ST6GALNAC3: variants seen among roughly 807,000 people sequenced by gnomAD.
ST6GALNAC3 encodes the protein ST6 N-acetylgalactosaminide alpha-2,6-sialyltransferase 3.
ST6GALNAC3 carries 25 observed loss-of-function variants against 32.7 expected under a neutral mutation model. The ratio of observed to expected loss-of-function variants is 0.76; its 90% CI spans 0.56 to 1.07. The LOEUF is 1.07. Ranked by LOEUF, ST6GALNAC3 falls within the 50% of genes least tolerant of loss-of-function variation. The pLI, the probability that ST6GALNAC3 is intolerant of heterozygous loss-of-function variation, is 0.00. For synonymous variants in ST6GALNAC3, 129 were observed against 133.1 expected (o/e 0.97, Z 0.21); for missense variants, 355 against 382.4 (o/e 0.93, Z 0.60).
chr1:76,530,448 C>T (rs534512596), intron 3 of ST6GALNAC3, among the ~76,000 whole-genome samples: 5 of 152,222 alleles, frequency 3.3e-5, no homozygotes, highest in African/African-American at 4.8e-5. Flanking sequence ...AAACTGACCA[C>T]GTTCATTGCC....
chr1:76,561,225 G>A (rs7547383), intron 3 of ST6GALNAC3, among the ~76,000 whole-genome samples: 25,998 of 151,988 alleles, frequency 0.17, 2,456 homozygotes, highest in African/African-American at 0.25. Flanking sequence ...GAGGGTTGTG[G>A]GGAAGTGGGG....
chr1:76,304,322 C>G (rs1166476538), intron 1 of ST6GALNAC3, among the ~76,000 whole-genome samples: 7 of 152,112 alleles, frequency 4.6e-5, no homozygotes, highest in Non-Finnish European at 2.9e-5. Context: ...TTCTCTCCTT[C>G]CCTCCCTTCC....
intron 1 of ST6GALNAC3, among the ~76,000 whole-genome samples, chr1:76,132,199 C>A (rs924484104): frequency 6.6e-6 from 1 of 152,158 alleles, no homozygotes; most frequent in Non-Finnish European, 1.5e-5. Flanking sequence ...TTGGCCCTAC[C>A]CCAATCATTC....
In ST6GALNAC3 at chr1:76,611,082, T is replaced by C. The variant is rs1028379572; in HGVS notation, c.624-16370T>C. On this transcript the variant is annotated intron_variant, in intron 3 of 4. Coordinates refer to ENST00000328299, the MANE Select transcript of ST6GALNAC3 (RefSeq NM_152996.4). ...TCCAGGTGAGGTATATATATATATA[T>C]ACACACACACATATATCCTTAGGCA... Among the ~76,000 whole-genome samples the C allele has an allele frequency of 9.9e-5, 15 of 151,770 alleles. No individual in the cohort carries two copies. The South Asian group carries it at 1.0e-3, about 11-fold the overall frequency.
At chr1:76,589,547 A>G (rs1023771313) in intron 3 of ST6GALNAC3, among the ~76,000 whole-genome samples, 4 of 152,082 alleles carry the variant, frequency 2.6e-5, no homozygotes, top group Non-Finnish European at 5.9e-5. Context: ...GAATTCAGAC[A>G]ATGAATGGCT....
In ST6GALNAC3 at chr1:76,630,087, G is replaced by A. The variant is rs1570492206; in HGVS notation, c.*1281G>A. 26 of 985,172 alleles carry A rather than the reference G, an allele frequency of 2.6e-5. No individual in the cohort carries two copies. The highest frequency in any genetic ancestry group is 3.1e-5 in the Non-Finnish European group (26 of 829,812). 61.0% of individuals were successfully genotyped at this position (985,172 alleles called of 1,614,324 possible). A position where few individuals can be genotyped will look rare whatever the true frequency, so the allele number is the denominator to read the frequency against. Reference sequence around the variant, plus strand: ...TGAACACCCCATTGGGCTATTGTCTGTGTATTCTGCTCTCTTTAGCAGATG... The same window carrying A: ...TGAACACCCCATTGGGCTATTGTCTATGTATTCTGCTCTCTTTAGCAGATG... On this transcript the variant is annotated 3_prime_UTR_variant, in exon 5 of 5. Coordinates refer to ENST00000328299, the MANE Select transcript of ST6GALNAC3 (RefSeq NM_152996.4).
At chr1:76,184,669 C>T (rs1241278685) in intron 1 of ST6GALNAC3, among the ~76,000 whole-genome samples, 1 of 151,976 alleles carries the variant, frequency 6.6e-6, no homozygotes, top group Non-Finnish European at 1.5e-5. Flanking sequence ...TGGGAGCAAA[C>T]CAACCAATGA....
intron 2 of ST6GALNAC3, among the ~76,000 whole-genome samples, chr1:76,317,050 C>T (rs965378075): frequency 6.6e-6 from 1 of 152,100 alleles, no homozygotes; most frequent in South Asian, 2.1e-4. Flanking sequence ...ATCATGAATG[C>T]AGGTGATAGA....
intron 1 of ST6GALNAC3, among the ~76,000 whole-genome samples, chr1:76,156,544 G>GT (rs1557660027): frequency 1.9e-4 from 22 of 115,552 alleles, no homozygotes; most frequent in African/African-American, 4.7e-4. Context: ...GATTTTGTTT[G>GT]GTTTTTTTTT....
chr1:76,153,594 T>C (rs1254695755), intron 1 of ST6GALNAC3, among the ~76,000 whole-genome samples: 1 of 152,222 alleles, frequency 6.6e-6, no homozygotes, highest in African/African-American at 2.4e-5. Flanking sequence ...TGGCATGAAT[T>C]CAGGCAAAGG....
chr1:76,104,636 G>A (rs1410154777), intron 1 of ST6GALNAC3, among the ~76,000 whole-genome samples: 1 of 149,200 alleles, frequency 6.7e-6, no homozygotes, highest in East Asian at 1.9e-4. Context: ...TAGATTTGAG[G>A]TGTTTTAAAG....
chr1:76,285,338 TCTTCTAAG>T (rs1468527103), intron 1 of ST6GALNAC3, among the ~76,000 whole-genome samples: 7 of 151,550 alleles, frequency 4.6e-5, no homozygotes, highest in Admixed American at 3.3e-4. Context: ...TTACCTATAG[TCTTCTAAG>T]CTGAGACAAC....
At chr1:76,480,245 T>C (rs1659635716) in intron 3 of ST6GALNAC3, among the ~76,000 whole-genome samples, 1 of 152,214 alleles carries the variant, frequency 6.6e-6, no homozygotes, top group Non-Finnish European at 1.5e-5. Flanking sequence ...TCAATAATCA[T>C]TTGAAATTCA....
intron 1 of ST6GALNAC3, among the ~76,000 whole-genome samples, chr1:76,296,473 C>T (rs1211490797): frequency 2.0e-5 from 3 of 152,070 alleles, no homozygotes; most frequent in Non-Finnish European, 2.9e-5. Context: ...TTTCTCCCAT[C>T]GACCCTTCTC....
intron 1 of ST6GALNAC3, among the ~76,000 whole-genome samples, chr1:76,305,692 C>G (rs1365785623): frequency 6.6e-6 from 1 of 152,050 alleles, no homozygotes; most frequent in Non-Finnish European, 1.5e-5. Context: ...GGCCTTTTTT[C>G]TCTTACTAGG....
At chr1:76,201,651 G>GT (rs61543089) in intron 1 of ST6GALNAC3, among the ~76,000 whole-genome samples, 12,757 of 151,972 alleles carry the variant, frequency 0.084, 586 homozygotes, top group African/African-American at 0.12. Context: ...AGAAAAAACT[G>GT]TTAAAAAAAA....
intron 1 of ST6GALNAC3, among the ~76,000 whole-genome samples, chr1:76,171,646 G>A (rs977841821): frequency 6.6e-5 from 10 of 151,810 alleles, no homozygotes; most frequent in Admixed American, 2.0e-4. Flanking sequence ...TGCCATCAGA[G>A]AATACTATAA....
At chr1:76,612,915 G>A (rs533838288) in intron 3 of ST6GALNAC3, among the ~76,000 whole-genome samples, 1 of 152,326 alleles carries the variant, frequency 6.6e-6, no homozygotes, top group African/African-American at 2.4e-5. Context: ...ACTTTGTGCT[G>A]ACGGAGAACT....
At chr1:76,239,322 G>A (rs1272939498) in intron 1 of ST6GALNAC3, among the ~76,000 whole-genome samples, 2 of 152,114 alleles carry the variant, frequency 1.3e-5, no homozygotes, top group African/African-American at 4.8e-5. Context: ...GGAGGAAGGG[G>A]GAAGGATGTG....
Sources: gnomAD v4.1 joint callset for allele counts (sites outside exome capture counted in the v4.1 genomes callset) on GRCh38, gnomAD v4.1.1 for gene constraint, MANE v1.5 for transcripts, NCBI Gene and HGNC (gene_info 2026-07-23, HGNC 2026-07-21) for gene names.